Variants in MYO1E observed in about 807,000 individuals in gnomAD.
MYO1E encodes the protein unconventional myosin-Ie.
In MYO1E, 68 loss-of-function variants were observed where a neutral mutation model predicts 151.1. The ratio of observed to expected loss-of-function variants is 0.45; its 90% CI spans 0.37 to 0.55. The LOEUF is 0.55. Ranked by LOEUF, MYO1E falls within the 20% of genes least tolerant of loss-of-function variation. The pLI, the probability that MYO1E is intolerant of heterozygous loss-of-function variation, is 0.00. For synonymous variants in MYO1E, 601 were observed against 501.7 expected, an observed-to-expected ratio of 1.20 and a Z score of -2.64; for missense variants, 1,363 against 1,389.3, an observed-to-expected ratio of 0.98 and a Z score of 0.30.
At chr15:59,180,685 A>G (rs2079653119) in intron 18 of MYO1E, among the ~76,000 whole-genome samples, 1 of 151,630 alleles carries the variant, frequency 6.6e-6, no homozygotes, top group African/African-American at 2.4e-5. Flanking sequence ...ATACATCCTC[A>G]CCCCATCCTT....
At position 59,156,917 on chromosome 15, in the gene MYO1E, A is replaced by T. The variant is rs566853221; in HGVS notation, c.2878+1370T>A. 7.9e-5 allele frequency among the ~76,000 whole-genome samples: 12 copies of T among 152,324 alleles called. No homozygotes were observed. The East Asian group carries it at 2.3e-3, about 29-fold the overall frequency. On this transcript the variant is annotated intron_variant, in intron 25 of 27. Coordinates refer to ENST00000288235, the MANE Select transcript of MYO1E (RefSeq NM_004998.4). ...TTTAGAGTGTCTGGATATGTCAGTTATATTTTTACTATTAAAAATGAGAGG... is the reference window on the plus strand; with the variant it reads ...TTTAGAGTGTCTGGATATGTCAGTTTTATTTTTACTATTAAAAATGAGAGG...
intron 17 of MYO1E, among the ~76,000 whole-genome samples, chr15:59,189,797 G>A (rs1023265125): frequency 6.6e-6 from 1 of 152,170 alleles, no homozygotes; most frequent in Non-Finnish European, 1.5e-5. Flanking sequence ...GGCTGGTCTC[G>A]AACTCCTGGC....
At chr15:59,201,078 C>T (rs2079798498) in intron 16 of MYO1E, among the ~76,000 whole-genome samples, 1 of 151,672 alleles carries the variant, frequency 6.6e-6, no homozygotes, top group African/African-American at 2.4e-5. Flanking sequence ...CTTAGAGTTA[C>T]ATGATTGTGT....
chr15:59,152,254 A>G (rs1456019725), intron 26 of MYO1E, among the ~76,000 whole-genome samples: 5 of 152,142 alleles, frequency 3.3e-5, no homozygotes, highest in Non-Finnish European at 4.4e-5. Context: ...CCAACAAACA[A>G]AAAGGTAGAT....
At chr15:59,369,746 T>A (rs1233132282) in intron 1 of MYO1E, among the ~76,000 whole-genome samples, 1 of 152,162 alleles carries the variant, frequency 6.6e-6, no homozygotes, top group Non-Finnish European at 1.5e-5. Flanking sequence ...GAAGGTGAAC[T>A]ACAAGCTGTA....
chr15:59,347,147 G>A (rs190992884), intron 1 of MYO1E, among the ~76,000 whole-genome samples: 2 of 152,320 alleles, frequency 1.3e-5, no homozygotes, highest in Admixed American at 6.5e-5. Context: ...CACAGCAGCA[G>A]GTGAGTGGCT....
intron 6 of MYO1E, among the ~76,000 whole-genome samples, chr15:59,230,229 T>G (rs1457357097): frequency 1.3e-5 from 2 of 148,930 alleles, no homozygotes; most frequent in South Asian, 2.1e-4. Context: ...TGTGTTTGTG[T>G]GTGTGTGTGT....
intron 10 of MYO1E, among the ~76,000 whole-genome samples, chr15:59,217,407 G>A (rs1174440938): frequency 2.0e-5 from 3 of 149,056 alleles, no homozygotes; most frequent in African/African-American, 7.4e-5. Flanking sequence ...TTGGTGGGCA[G>A]TTCTAGAAGG....
chr15:59,201,401 ATT>A (rs35807865), intron 16 of MYO1E, among the ~76,000 whole-genome samples: 3,055 of 113,206 alleles, frequency 0.027, 42 homozygotes, highest in Non-Finnish European at 0.034. Context: ...GCTGACACAG[ATT>A]TTTTTTTTTT....
chr15:59,177,241 A>G (rs148040688), intron 19 of MYO1E, among the ~76,000 whole-genome samples: 2,633 of 151,904 alleles, frequency 0.017, 34 homozygotes, highest in Non-Finnish European at 0.028. Flanking sequence ...GAAAAATGCT[A>G]CCACAAACGT....
chr15:59,162,785 C>G (rs2079545341), intron 23 of MYO1E, among the ~76,000 whole-genome samples: 1 of 152,048 alleles, frequency 6.6e-6, no homozygotes, highest in Non-Finnish European at 1.5e-5. Context: ...GGAATTTAAA[C>G]CCCCACCTCT....
At chr15:59,291,207 GAGCCC>G (rs1206442856) in intron 1 of MYO1E, among the ~76,000 whole-genome samples, 2 of 152,196 alleles carry the variant, frequency 1.3e-5, no homozygotes, top group Non-Finnish European at 2.9e-5. Context: ...CTTTCTACCT[GAGCCC>G]AGCGACCCAA....
chr15:59,214,318 GAA>G lies in MYO1E; in HGVS notation c.1189-6_1189-5del, dbSNP rs371013910. On this transcript the variant is annotated splice_region_variant and splice_polypyrimidine_tract_variant and intron_variant, in intron 11 of 27. Transcript: ENST00000288235. The stretch of plus-strand genomic sequence containing the variant: ...AAAACTGTTCAAAGCCATTTTTCTG[GAA>G]AAAAAAAGTTATTCACATGTAATTC... 2.5e-6 allele frequency: 4 copies of G among 1,584,508 alleles called. No individual in the cohort carries two copies. The highest frequency in any genetic ancestry group is 2.7e-5 in the African/African-American group (2 of 73,648).
At chr15:59,345,115 G>C (rs1447763921) in intron 1 of MYO1E, among the ~76,000 whole-genome samples, 1 of 152,156 alleles carries the variant, frequency 6.6e-6, no homozygotes, top group Non-Finnish European at 1.5e-5. Context: ...TCTCCCTGAA[G>C]ATGAGGGACT....
At chr15:59,215,382 T>C (rs909510762) in intron 10 of MYO1E, among the ~76,000 whole-genome samples, 1 of 152,208 alleles carries the variant, frequency 6.6e-6, no homozygotes, top group African/African-American at 2.4e-5. Flanking sequence ...ATTTTCCACA[T>C]GGATACACCA....
chr15:59,292,031 A>C (rs1387874012), intron 1 of MYO1E, among the ~76,000 whole-genome samples: 1 of 152,208 alleles, frequency 6.6e-6, no homozygotes, highest in African/African-American at 2.4e-5. Context: ...AGCTAAATTC[A>C]GCTTTTTAAA....
intron 5 of MYO1E, among the ~76,000 whole-genome samples, chr15:59,236,299 C>T (rs544287683): frequency 2.0e-5 from 3 of 149,946 alleles, no homozygotes; most frequent in Admixed American, 6.7e-5. Context: ...GCCGAGATCG[C>T]GCCACTGCAC....
chr15:59,271,284 A>G (rs2080287617), intron 2 of MYO1E: 1 of 152,232 alleles, frequency 6.6e-6, no homozygotes, highest in African/African-American at 2.4e-5. Flanking sequence ...CACTGATGTG[A>G]AAACTATTCT....
intron 1 of MYO1E, among the ~76,000 whole-genome samples, chr15:59,353,230 G>A (rs773303911): frequency 6.6e-5 from 10 of 151,594 alleles, no homozygotes; most frequent in Non-Finnish European, 1.0e-4. Flanking sequence ...AGTGGTGCGC[G>A]CCTGTAGTCC....
Sources: gnomAD v4.1 joint callset for allele counts (sites outside exome capture counted in the v4.1 genomes callset) on GRCh38, gnomAD v4.1.1 for gene constraint, MANE v1.5 for transcripts, NCBI Gene and HGNC (gene_info 2026-07-23, HGNC 2026-07-21) for gene names.